The following NUMA1 variants were observed in gnomAD, a reference collection of about 807,000 sequenced individuals.
NUMA1 encodes the protein SP-H antigen.
NUMA1 carries 62 observed loss-of-function variants against 237.1 expected under a neutral mutation model. That is an observed-to-expected ratio of 0.26 (90% confidence interval 0.21 to 0.32). The LOEUF (loss-of-function observed/expected upper bound fraction) is 0.32. NUMA1 is among the 10% of genes least tolerant of loss of function. The pLI is 1.00. For synonymous variants in NUMA1, 1,028 were observed against 1,066.1 expected, an observed-to-expected ratio of 0.96 and a Z score of 0.70; for missense variants, 2,533 against 2,666.5, an observed-to-expected ratio of 0.95 and a Z score of 1.10.
At chr11:72,006,956 A>G (rs530780358) in intron 21 of NUMA1, among the ~76,000 whole-genome samples, 1 of 152,332 alleles carries the variant, frequency 6.6e-6, no homozygotes, top group South Asian at 2.1e-4. Flanking sequence ...AGTGCTACGC[A>G]TGGAGAGAAT....
At chr11:72,031,364 T>C (rs1940286872) in intron 3 of NUMA1, among the ~76,000 whole-genome samples, 1 of 152,038 alleles carries the variant, frequency 6.6e-6, no homozygotes, top group Admixed American at 6.6e-5. Context: ...ATTAAAATAA[T>C]GAAGTAGACA....
intron 2 of NUMA1, among the ~76,000 whole-genome samples, chr11:72,037,839 G>A (rs575210462): frequency 6.6e-6 from 1 of 152,282 alleles, no homozygotes; most frequent in African/African-American, 2.4e-5. Context: ...AGGGGCTTAT[G>A]TTCCTCAGTC....
Position 72,004,301 on chromosome 11 carries a change from G to A in NUMA1, c.6047C>T (p.Pro2016Leu). 3.1e-6 allele frequency: 5 copies of A among 1,613,024 alleles called. No individual in the cohort carries two copies. Among genetic ancestry groups the A allele is most frequent in the Non-Finnish European group, 4.2e-6 (5 of 1,179,784 alleles). ...ATSCFPRPMT[P>L]RDRHEGRKQS... is the part of the protein sequence containing the mutation. ...TTTGCGCCCTTCATGTCGGTCTCGGGGAGTCATGGGGCGTGGGAAACAGCT... is the reference window on the plus strand; with the variant it reads ...TTTGCGCCCTTCATGTCGGTCTCGGAGAGTCATGGGGCGTGGGAAACAGCT... The change falls in exon 25 of 27, where the codon CCC becomes CTC. Residue 2016 changes from proline to leucine, a missense_variant. By Grantham distance (98) the Pro-to-Leu change is moderately conservative. Transcript: ENST00000393695.
At chr11:72,056,597 GGCATGAGCCAT>G (rs1212104135) in intron 2 of NUMA1, among the ~76,000 whole-genome samples, 1 of 133,318 alleles carries the variant, frequency 7.5e-6, no homozygotes, top group Non-Finnish European at 1.5e-5. Context: ...TGGGATTACT[GGCATGAGCCAT>G]CGCGCCTGAC....
At chr11:72,073,918 G>C (rs1281805838) in intron 1 of NUMA1, among the ~76,000 whole-genome samples, 1 of 152,176 alleles carries the variant, frequency 6.6e-6, no homozygotes, top group Non-Finnish European at 1.5e-5. Flanking sequence ...GAGGCTGGCT[G>C]CGGTGGATCA....
At chr11:72,065,598 T>C (rs1943163331) in intron 2 of NUMA1, 1 of 152,200 alleles carries the variant, frequency 6.6e-6, no homozygotes, top group South Asian at 2.1e-4. Flanking sequence ...TTACGGGTGA[T>C]TTCAGTTTTC....
In NUMA1 at chr11:72,006,140, G is replaced by A; in HGVS notation, c.5587C>T (p.Pro1863Ser). The change falls in exon 22 of 27, where the codon CCC (proline) becomes TCC (serine). Residue 1863 changes from proline to serine, a missense_variant. By Grantham distance (74) the Pro-to-Ser change is moderately conservative. Coordinates refer to ENST00000393695, the MANE Select transcript of NUMA1 (RefSeq NM_006185.4). ...STQSLARLGS[P>S]DYGNSALLSL... ...AGCAGGGCTGAGTTGCCATAATCGGGAGAACCCAGGCGAGCTAGAGACTGA... is the reference window on the plus strand; with the variant it reads ...AGCAGGGCTGAGTTGCCATAATCGGAAGAACCCAGGCGAGCTAGAGACTGA... 6.2e-7 allele frequency: 1 copy of A among 1,614,188 alleles called. No homozygotes were observed. Among genetic ancestry groups the A allele is most frequent in the Non-Finnish European group, 8.5e-7 (1 of 1,180,038 alleles).
chr11:72,016,306 C>G, intron 14 of NUMA1, 46 bp from the exon 15 acceptor site: 1 of 1,584,220 alleles, frequency 6.3e-7, no homozygotes, highest in Admixed American at 1.7e-5. Flanking sequence ...ACTCCTCAGT[C>G]ATCAAGACTC....
In NUMA1 at chr11:72,005,267, G is replaced by A. The variant is rs760554220; in HGVS notation, c.5795C>T (p.Pro1932Leu). The A allele has an allele frequency of 6.2e-7, 1 of 1,605,804 alleles. No homozygotes were observed. Among genetic ancestry groups the A allele is most frequent in the Non-Finnish European group, 8.5e-7 (1 of 1,176,376 alleles). Residue 1932 changes from proline to leucine, a missense_variant, in exon 23 of 27, where the codon CCA (proline) becomes CTA (leucine). Physicochemically the swap from Pro to Leu is moderately conservative, Grantham distance 98 (BLOSUM62 -3). Coordinates refer to ENST00000393695, the MANE Select transcript of NUMA1 (RefSeq NM_006185.4). ...ELQQRNRVCP[P>L]HLKTCYPLES... is the part of the protein sequence containing the mutation. ...CAGGGGATAGCAGGTCTTCAGATGT[G>A]GGGGGCACACTCGATTGCGCTGCTG...
At chr11:72,009,819 TTTCAGAGGAGGAAACTGAG>T (rs1326626291) in intron 17 of NUMA1, among the ~76,000 whole-genome samples, 1 of 152,198 alleles carries the variant, frequency 6.6e-6, no homozygotes, top group Non-Finnish European at 1.5e-5. Flanking sequence ...TTCACCCTCT[TTTCAGAGGAGGAAACTGAG>T]TTCAGAGATT....
At chr11:72,043,528 A>ATTTT (rs34806999) in intron 2 of NUMA1, among the ~76,000 whole-genome samples, 1 of 123,124 alleles carries the variant, frequency 8.1e-6, no homozygotes, top group Admixed American at 8.7e-5. Context: ...TGCCTGGCTA[A>ATTTT]TTTTTTTTTT....
intron 2 of NUMA1, among the ~76,000 whole-genome samples, chr11:72,064,263 G>C (rs1565290089): frequency 3.9e-5 from 6 of 152,066 alleles, no homozygotes; most frequent in Admixed American, 3.3e-4. Context: ...TTCAAGACCA[G>C]CCTGGGCAAC....
intron 2 of NUMA1, chr11:72,067,921 A>G (rs964993001): frequency 2.6e-5 from 4 of 152,252 alleles, no homozygotes; most frequent in African/African-American, 9.6e-5. Context: ...CAATATAATC[A>G]GCTTAATTTG....
intron 3 of NUMA1, among the ~76,000 whole-genome samples, chr11:72,030,821 T>C (rs1940208873): frequency 6.6e-6 from 1 of 152,290 alleles, no homozygotes; most frequent in East Asian, 1.9e-4. Context: ...TGGGAGCCAG[T>C]ACATACACAC....
At position 72,045,838 on chromosome 11, in the gene NUMA1, T is replaced by C. The variant is rs1306621795; in HGVS notation, c.-32-9863A>G. On this transcript the variant is annotated intron_variant, in intron 2 of 26. Transcript: ENST00000393695. ...CTCCAGAAAATGTATAAGGTGAAAA[T>C]AGGAGGGAGGCCTGCTAAAACTGCC... Among the ~76,000 whole-genome samples, 3 of 152,234 alleles carry C rather than the reference T, an allele frequency of 2.0e-5. No individual in the cohort carries two copies. In the East Asian group the frequency reaches 5.8e-4, roughly 29 times the overall value.
At position 72,013,212 on chromosome 11, in the gene NUMA1, C is replaced by G; in HGVS notation, c.4291G>C (p.Ala1431Pro). The part of the protein sequence containing the change: ...RTAQQLRAEK[A>P]SYAEQLSMLK... ...ATGCTCAGCTGCTCTGCATAGCTGG[C>G]CTTCTCTGCCCGCAGCTGCTGAGCT... The change falls in exon 15 of 27, where the codon GCC becomes CCC. Residue 1431 changes from alanine (A) to proline (P), a missense_variant. Physicochemically the swap from Ala to Pro is conservative, Grantham distance 27 (BLOSUM62 -1). This residue lies in a region of NUMA1 where 324 missense variants were observed against 407.6 expected (regional missense o/e 0.79). Transcript: ENST00000393695. The surrounding 1 kb of genome is among the most constrained non-coding windows in gnomAD (Gnocchi z 6.8). The G allele has an allele frequency of 1.2e-6, 2 of 1,609,924 alleles. No individual in the cohort carries two copies. The highest frequency in any genetic ancestry group is 1.7e-6 in the Non-Finnish European group (2 of 1,180,002).
rs746616517 is a variant in NUMA1 at position 72,023,174 on chromosome 11, G to A, written c.209-27C>T. On this transcript the variant is annotated intron_variant, in intron 5 of 26. Transcript: ENST00000393695. Reference sequence around the variant, plus strand: ...TGCAATGACAACAACGTAGAAAACAGGGTGAACTTCCTGGAAACCATACCT... The same window carrying A: ...TGCAATGACAACAACGTAGAAAACAAGGTGAACTTCCTGGAAACCATACCT... 2.6e-6 allele frequency: 4 copies of A among 1,534,754 alleles called. No individual in the cohort carries two copies. In the South Asian group the frequency reaches 3.4e-5, roughly 13 times the overall value.
chr11:72,031,994 GA>G (rs1940399192), intron 3 of NUMA1, among the ~76,000 whole-genome samples: 1 of 127,584 alleles, frequency 7.8e-6, no homozygotes. Flanking sequence ...AAAAAAGAGA[GA>G]GAAAGGAAAA....
intron 2 of NUMA1, among the ~76,000 whole-genome samples, chr11:72,044,017 G>A (rs10793016): frequency 0.89 from 134,824 of 152,164 alleles, 60,020 homozygotes; most frequent in Non-Finnish European, 0.95. Flanking sequence ...TACTATGTAC[G>A]CGACACTATT....
Sources: gnomAD v4.1 joint callset for allele counts (sites outside exome capture counted in the v4.1 genomes callset) on GRCh38, gnomAD v4.1.1 for gene constraint, gnomAD v4.1.1 regional missense constraint, Gnocchi (gnomAD v3.1) non-coding constraint, MANE v1.5 for transcripts, NCBI Gene and HGNC (gene_info 2026-07-23, HGNC 2026-07-21) for gene names.